Variants in PARG observed in about 807,000 individuals in gnomAD.
PARG encodes the protein mitochondrial poly(ADP-ribose) glycohydrolase.
PARG carries 35 observed loss-of-function variants against 113.0 expected under a neutral mutation model. The ratio of observed to expected loss-of-function variants is 0.31; its 90% CI spans 0.24 to 0.41. The LOEUF (loss-of-function observed/expected upper bound fraction) is 0.41. PARG is among the 10% of genes least tolerant of loss of function. PARG has a pLI of 1.00. For missense variants in PARG, 797 were observed against 1,169.4 expected, an observed-to-expected ratio of 0.68 and a Z score of 4.64; for synonymous variants, 330 against 409.9, an observed-to-expected ratio of 0.81 and a Z score of 2.36.
At position 49,907,979 on chromosome 10, in the gene PARG, A is replaced by T. The variant is rs187112214; in HGVS notation, c.1737+7938T>A. ...TATAGGACAAACTAAGTACTAGCTT[A>T]ATTTCATTATTAGAATATAAGAGAA... is the stretch of plus-strand genomic sequence containing the variant. On this transcript the variant is annotated intron_variant, in intron 7 of 17. Coordinates refer to ENST00000616448, the MANE Select transcript of PARG (RefSeq NM_003631.5). Among the ~76,000 whole-genome samples, 22 of 152,316 alleles carry T rather than the reference A, an allele frequency of 1.4e-4. 1 individual carries two copies. In the East Asian group the frequency reaches 4.2e-3, roughly 29 times the overall value.
chr10:49,933,156 A>C (rs1838572972), intron 3 of PARG, 21 bp downstream of exon 3: 1 of 1,513,424 alleles, frequency 6.6e-7, no homozygotes, highest in African/African-American at 1.4e-5. Context: ...TATTGGAGAG[A>C]TACTGCTGAG....
Position 49,881,817 on chromosome 10 carries a change from T to C in PARG, c.1831-1987A>G, listed in dbSNP as rs190804028. On this transcript the variant is annotated intron_variant, in intron 8 of 17. Coordinates refer to ENST00000616448, the MANE Select transcript of PARG (RefSeq NM_003631.5). Reference sequence around the variant, plus strand: ...GGTAAAGAATATTTTCACTATGTTATACAAAATTCTCTCCCCTTCAGGTCT... The same window carrying C: ...GGTAAAGAATATTTTCACTATGTTACACAAAATTCTCTCCCCTTCAGGTCT... Among the ~76,000 whole-genome samples, 493 of 152,362 alleles carry C rather than the reference T, an allele frequency of 3.2e-3. 1 individual carries two copies. The highest frequency in any genetic ancestry group is 0.011 in the African/African-American group (466 of 41,586).
chr10:49,933,002 T>C (rs1838565320), intron 3 of PARG, among the ~76,000 whole-genome samples, 175 bp downstream of exon 3: 1 of 152,192 alleles, frequency 6.6e-6, no homozygotes. Context: ...TTGTTTTCTG[T>C]TTCTAGCCTT....
At position 49,865,828 on chromosome 10, in the gene PARG, A is replaced by T. The variant is rs1302183191; in HGVS notation, c.2069-447T>A. Among the ~76,000 whole-genome samples the T allele has an allele frequency of 1.1e-4, 16 of 151,334 alleles. No homozygotes were observed. In the South Asian group the frequency reaches 1.5e-3, roughly 14 times the overall value. ...AAAGAAAGGACTTAACCCTACATTC[A>T]AAGACTGGAGAATAAATACACATTT... On this transcript the variant is annotated intron_variant, in intron 10 of 17. Transcript: ENST00000616448.
intron 7 of PARG, among the ~76,000 whole-genome samples, chr10:49,892,493 CAAT>C (rs1847857951): frequency 6.6e-6 from 1 of 152,040 alleles, no homozygotes; most frequent in Non-Finnish European, 1.5e-5. Context: ...CTGTATTATA[CAAT>C]GACAAATGCT....
intron 16 of PARG, among the ~76,000 whole-genome samples, chr10:49,822,907 A>G (rs782800261): frequency 6.6e-6 from 1 of 152,206 alleles, no homozygotes; most frequent in South Asian, 2.1e-4. Flanking sequence ...CATCAATGTC[A>G]TAAGAGACAA....
intron 6 of PARG, among the ~76,000 whole-genome samples, chr10:49,920,675 T>C (rs1837821532): frequency 6.6e-6 from 1 of 150,468 alleles, no homozygotes; most frequent in Non-Finnish European, 1.5e-5. Flanking sequence ...TTATATTTAG[T>C]TGTATGTTTG....
At chr10:49,894,050 G>A (rs1847949945) in intron 7 of PARG, among the ~76,000 whole-genome samples, 1 of 151,456 alleles carries the variant, frequency 6.6e-6, no homozygotes, top group Non-Finnish European at 1.5e-5. Flanking sequence ...GACTGGTATT[G>A]AACTCCTGGG....
intron 7 of PARG, among the ~76,000 whole-genome samples, chr10:49,894,335 C>T (rs1847970883): frequency 6.6e-6 from 1 of 152,024 alleles, no homozygotes; most frequent in Non-Finnish European, 1.5e-5. Context: ...AGCCAATGCG[C>T]CTGGCATCCC....
At chr10:49,938,958 T>G (rs1239628440) in intron 1 of PARG, among the ~76,000 whole-genome samples, 1 of 152,128 alleles carries the variant, frequency 6.6e-6, no homozygotes, top group Middle Eastern at 3.2e-3. Flanking sequence ...CTGTGCCAGG[T>G]ATACAGAAAA....
At chr10:49,859,961 T>C (rs1260439413) in intron 12 of PARG, among the ~76,000 whole-genome samples, 3 of 152,150 alleles carry the variant, frequency 2.0e-5, no homozygotes, top group Non-Finnish European at 4.4e-5. Context: ...TTAAAGCTAC[T>C]CATTCAGATT....
At chr10:49,905,155 A>G (rs1848521114) in intron 7 of PARG, among the ~76,000 whole-genome samples, 1 of 152,308 alleles carries the variant, frequency 6.6e-6, no homozygotes, top group African/African-American at 2.4e-5. Flanking sequence ...AGGTATGTTG[A>G]AACCCTTAAA....
At chr10:49,840,058 T>C (rs976028136) in intron 15 of PARG, among the ~76,000 whole-genome samples, 6 of 152,174 alleles carry the variant, frequency 3.9e-5, no homozygotes, top group Admixed American at 6.5e-5. Context: ...ACAGTGAAAA[T>C]AGGCTTACAT....
chr10:49,885,078 C>G, intron 8 of PARG, 125 bp downstream of exon 8: 1 of 725,756 alleles, frequency 1.4e-6, no homozygotes, highest in Admixed American at 2.0e-5. Context: ...TCCTCTCTCT[C>G]TCTCTCTCTC....
intron 8 of PARG, among the ~76,000 whole-genome samples, chr10:49,882,465 G>A (rs1554839628): frequency 6.6e-6 from 1 of 151,976 alleles, no homozygotes; most frequent in Admixed American, 6.6e-5. Context: ...TTCAATAGGG[G>A]GCAAAGCACA....
intron 16 of PARG, among the ~76,000 whole-genome samples, chr10:49,824,301 T>C (rs1471535749): frequency 1.3e-5 from 2 of 150,694 alleles, no homozygotes; most frequent in Admixed American, 1.3e-4. Context: ...CCCAAGATCT[T>C]TGCAAATCTA....
chr10:49,825,286 T>G (rs535929804), intron 16 of PARG, among the ~76,000 whole-genome samples: 3 of 152,290 alleles, frequency 2.0e-5, no homozygotes, highest in East Asian at 1.9e-4. Flanking sequence ...TCTCACCTGC[T>G]TTAAATACAC....
chr10:49,819,534 T>C (rs1293470090), intron 17 of PARG, 40 bp from the exon 18 acceptor site: 3 of 1,491,432 alleles, frequency 2.0e-6, no homozygotes, highest in East Asian at 2.5e-5. Flanking sequence ...CATTAAAGTA[T>C]GTAATTGAAA....
At chr10:49,839,062 C>A (rs1019025762) in intron 15 of PARG, among the ~76,000 whole-genome samples, 1 of 152,118 alleles carries the variant, frequency 6.6e-6, no homozygotes, top group Non-Finnish European at 1.5e-5. Context: ...TTAGGCCAGG[C>A]GTGGTGGCTC....
Sources: allele counts gnomAD v4.1 joint callset (sites outside exome capture counted in the v4.1 genomes callset), GRCh38; gene constraint gnomAD v4.1.1; transcripts MANE v1.5; gene names NCBI Gene and HGNC (gene_info 2026-07-23, HGNC 2026-07-21).